GATB: variants seen among roughly 807,000 people sequenced by gnomAD.
The protein encoded by GATB is glutamyl-tRNA amidotransferase subunit B.
GATB carries 39 observed loss-of-function variants against 62.3 expected under a neutral mutation model. The ratio of observed to expected loss-of-function variants is 0.63; its 90% CI spans 0.48 to 0.82. GATB has a LOEUF of 0.82. Among genes scored for constraint, GATB ranks in the 40% least tolerant of loss-of-function variants. GATB has a pLI of 0.00. For missense variants in GATB, 670 were observed against 684.0 expected (o/e 0.98, Z 0.23); for synonymous variants, 276 against 258.9 (o/e 1.07, Z -0.63).
intron 5 of GATB, among the ~76,000 whole-genome samples, chr4:151,708,639 C>T (rs922333736): frequency 1.3e-5 from 2 of 152,166 alleles, no homozygotes; most frequent in Non-Finnish European, 1.5e-5. Flanking sequence ...CTGGGCTTTC[C>T]CCCCTCCTCC....
intron 2 of GATB, among the ~76,000 whole-genome samples, chr4:151,739,248 A>G (rs1219384540): frequency 6.6e-6 from 1 of 152,160 alleles, no homozygotes; most frequent in African/African-American, 2.4e-5. Flanking sequence ...AGTCCTTATT[A>G]TAATGATGTA....
chr4:151,695,118 T>C (rs1738442418), intron 9 of GATB, among the ~76,000 whole-genome samples: 1 of 152,204 alleles, frequency 6.6e-6, no homozygotes, highest in Admixed American at 6.5e-5. Flanking sequence ...ACAGTCTCAC[T>C]GGGGCCATGT....
At chr4:151,693,270 GA>G (rs1484200182) in intron 9 of GATB, among the ~76,000 whole-genome samples, 1 of 152,236 alleles carries the variant, frequency 6.6e-6, no homozygotes, top group African/African-American at 2.4e-5. Flanking sequence ...CTCTCAGCCA[GA>G]AAGCAGGCGT....
chr4:151,723,550 C>A (rs768153092), intron 2 of GATB: 6 of 152,224 alleles, frequency 3.9e-5, no homozygotes, highest in Non-Finnish European at 8.8e-5. Flanking sequence ...TTTCTTCTTG[C>A]CAGTTTCTCC....
intron 10 of GATB, among the ~76,000 whole-genome samples, chr4:151,682,803 A>T (rs1738168624): frequency 6.6e-6 from 1 of 152,050 alleles, no homozygotes; most frequent in African/African-American, 2.4e-5. Context: ...AGACATTGGG[A>T]CTTGGGCCTC....
intron 2 of GATB, among the ~76,000 whole-genome samples, chr4:151,757,306 G>A (rs1231177868): frequency 6.6e-6 from 1 of 152,002 alleles, no homozygotes; most frequent in South Asian, 2.1e-4. Context: ...CAGAAAATGC[G>A]ATAAGAGAAA....
chr4:151,743,419 G>C (rs1461323857), intron 2 of GATB, among the ~76,000 whole-genome samples: 1 of 152,260 alleles, frequency 6.6e-6, no homozygotes, highest in African/African-American at 2.4e-5. Flanking sequence ...GTGCTGTGTA[G>C]TCAGTGCCTC....
At chr4:151,744,036 T>C (rs1267945685) in intron 2 of GATB, among the ~76,000 whole-genome samples, 1 of 152,184 alleles carries the variant, frequency 6.6e-6, no homozygotes, top group Non-Finnish European at 1.5e-5. Flanking sequence ...TCTTTAGCCA[T>C]TTACTGTAGG....
At chr4:151,733,527 T>C (rs888041079) in intron 2 of GATB, among the ~76,000 whole-genome samples, 1 of 152,214 alleles carries the variant, frequency 6.6e-6, no homozygotes, top group African/African-American at 2.4e-5. Flanking sequence ...ACTGAAGAAT[T>C]CTACCAGACA....
intron 9 of GATB, among the ~76,000 whole-genome samples, chr4:151,695,010 G>GT (rs1344138005): frequency 6.6e-6 from 1 of 152,186 alleles, no homozygotes; most frequent in Admixed American, 6.5e-5. Flanking sequence ...ATGAAGTTGT[G>GT]TAAGTAAGAT....
intron 10 of GATB, among the ~76,000 whole-genome samples, chr4:151,684,994 G>A (rs1738215159): frequency 6.6e-6 from 1 of 152,184 alleles, no homozygotes; most frequent in Admixed American, 6.5e-5. Context: ...CAGTCTTTGT[G>A]GCTGTGCCAT....
intron 2 of GATB, among the ~76,000 whole-genome samples, chr4:151,740,707 T>C (rs1334059188): frequency 2.0e-5 from 3 of 152,192 alleles, no homozygotes; most frequent in Admixed American, 1.3e-4. Context: ...TGGCCAGGCA[T>C]GTATTGCCTT....
intron 2 of GATB, among the ~76,000 whole-genome samples, chr4:151,746,936 C>G (rs1248622152): frequency 1.3e-5 from 2 of 152,102 alleles, no homozygotes; most frequent in Admixed American, 6.5e-5. Context: ...GCAAGAAAAT[C>G]CCCTGGGGCC....
intron 9 of GATB, among the ~76,000 whole-genome samples, chr4:151,697,964 T>TATATATATAC (rs1738515386): frequency 8.4e-6 from 1 of 119,540 alleles, no homozygotes; most frequent in Non-Finnish European, 1.6e-5. Context: ...TATATATATA[T>TATATATATAC]ATATATATAT....
At chr4:151,706,740 A>G (rs988754678) in intron 6 of GATB, among the ~76,000 whole-genome samples, 8 of 152,198 alleles carry the variant, frequency 5.3e-5, no homozygotes, top group African/African-American at 1.7e-4. Flanking sequence ...TCTTTTCTGT[A>G]CTGTTTCTAA....
chr4:151,734,350 CA>C (rs201480862), intron 2 of GATB, among the ~76,000 whole-genome samples: 59,248 of 132,442 alleles, frequency 0.45, 12,284 homozygotes, highest in South Asian at 0.59. Flanking sequence ...AAATAGCTGC[CA>C]AAAAAAAAAA....
intron 2 of GATB, among the ~76,000 whole-genome samples, chr4:151,735,736 G>GTA (rs137893198): frequency 0.027 from 2,806 of 103,858 alleles, 242 homozygotes; most frequent in South Asian, 0.064. Flanking sequence ...AAACTGTGGT[G>GTA]TATATATATA....
intron 2 of GATB, among the ~76,000 whole-genome samples, chr4:151,733,498 G>T (rs932652162): frequency 5.3e-5 from 8 of 152,120 alleles, no homozygotes; most frequent in African/African-American, 1.9e-4. Flanking sequence ...ACCAAAAAAA[G>T]TCCAGGACCA....
At chr4:151,692,897 C>CGTA (rs1363290927) in intron 9 of GATB, among the ~76,000 whole-genome samples, 4 of 152,238 alleles carry the variant, frequency 2.6e-5, no homozygotes, top group Admixed American at 2.6e-4. Flanking sequence ...GAGCTGCTGA[C>CGTA]TATACAAAGG....
Sources: gnomAD v4.1 joint callset for allele counts (sites outside exome capture counted in the v4.1 genomes callset) on GRCh38, gnomAD v4.1.1 for gene constraint, MANE v1.5 for transcripts, NCBI Gene and HGNC (gene_info 2026-07-23, HGNC 2026-07-21) for gene names.